The following DTHD1 variants were observed in gnomAD, a reference collection of about 807,000 sequenced individuals.
The protein encoded by DTHD1 is death domain containing 1.
DTHD1 carries 59 observed loss-of-function variants against 74.8 expected under a neutral mutation model. The ratio of observed to expected loss-of-function variants is 0.79; its 90% CI spans 0.64 to 0.98. The LOEUF is 0.98. Among genes scored for constraint, DTHD1 ranks in the 50% least tolerant of loss-of-function variants. The pLI is 0.00. For synonymous variants in DTHD1, 365 were observed against 371.1 expected, an observed-to-expected ratio of 0.98 and a Z score of 0.19; for missense variants, 1,051 against 1,065.4, an observed-to-expected ratio of 0.99 and a Z score of 0.19.
chr4:36,333,071 G>A (rs185340825), intron 8 of DTHD1, among the ~76,000 whole-genome samples: 83 of 152,016 alleles, frequency 5.5e-4, no homozygotes, highest in African/African-American at 1.9e-3. Flanking sequence ...AGTTAGGATG[G>A]TTTTACCTAA....
chr4:36,289,405 G>A (rs80324445), intron 2 of DTHD1, among the ~76,000 whole-genome samples: 7 of 152,214 alleles, frequency 4.6e-5, no homozygotes, highest in Non-Finnish European at 8.8e-5. Context: ...ACTTTTGAAT[G>A]ATTTGAGGAA....
intron 7 of DTHD1, 64 bp downstream of exon 7, chr4:36,308,557 T>A: frequency 7.5e-7 from 1 of 1,337,320 alleles, no homozygotes; most frequent in Non-Finnish European, 1.0e-6. Context: ...TTCAGAAGAG[T>A]TTGCTAAACT....
chr4:36,344,146 GT>G lies in DTHD1; in HGVS notation c.*323del, dbSNP rs1228244635. ...AGTGTGAAGAAAAGATCTGATATAT[GT>G]AATTACTTATTAATTGGTATCTACA... On this transcript the variant is annotated 3_prime_UTR_variant, in exon 10 of 10. Coordinates refer to ENST00000639862, the MANE Select transcript of DTHD1 (RefSeq NM_001170700.3). The G allele has an allele frequency of 6.6e-5, 15 of 227,478 alleles. No homozygotes were observed. The highest frequency in any genetic ancestry group is 3.4e-4 in the African/African-American group (15 of 44,058). 14.1% of individuals were successfully genotyped at this position (227,478 alleles called of 1,614,324 possible). A position where few individuals can be genotyped will look rare whatever the true frequency, so the allele number is the denominator to read the frequency against.
intron 5 of DTHD1, among the ~76,000 whole-genome samples, chr4:36,300,154 T>A (rs1199497841): frequency 6.6e-6 from 1 of 152,230 alleles, no homozygotes; most frequent in Non-Finnish European, 1.5e-5. Context: ...TCCATGGTAT[T>A]TAGCTTCTAA....
chr4:36,327,091 C>A (rs1193664886), intron 8 of DTHD1, among the ~76,000 whole-genome samples: 4 of 151,942 alleles, frequency 2.6e-5, no homozygotes, highest in African/African-American at 9.7e-5. Context: ...CTCAGCCTCC[C>A]AAGTAGCTAG....
chr4:36,296,048 A>G (rs866098417), intron 5 of DTHD1, among the ~76,000 whole-genome samples: 3 of 152,170 alleles, frequency 2.0e-5, no homozygotes, highest in African/African-American at 7.2e-5. Context: ...GCAAACTGAA[A>G]TGTAGGTTTA....
intron 7 of DTHD1, among the ~76,000 whole-genome samples, chr4:36,309,047 T>C (rs1217938311): frequency 6.6e-6 from 1 of 152,224 alleles, no homozygotes; most frequent in Non-Finnish European, 1.5e-5. Flanking sequence ...TTTTATTCCA[T>C]GTATTTTATT....
chr4:36,301,476 C>G (rs567357826), intron 5 of DTHD1, among the ~76,000 whole-genome samples: 57 of 151,998 alleles, frequency 3.8e-4, no homozygotes, highest in African/African-American at 1.4e-3. Flanking sequence ...ATTAATAGTA[C>G]TAGATGAAAA....
At chr4:36,335,716 C>A (rs1038588100) in intron 8 of DTHD1, among the ~76,000 whole-genome samples, 1 of 152,156 alleles carries the variant, frequency 6.6e-6, no homozygotes, top group African/African-American at 2.4e-5. Context: ...TTGGAGGTTT[C>A]TTGGGAAATA....
intron 8 of DTHD1, among the ~76,000 whole-genome samples, chr4:36,333,103 A>C (rs1170510961): frequency 6.6e-6 from 1 of 152,190 alleles, no homozygotes; most frequent in Non-Finnish European, 1.5e-5. Flanking sequence ...CATATTTTAT[A>C]AATTTAGCAT....
rs1176383285 is a variant in DTHD1, at chr4:36,293,650, T to C, written c.1343T>C (p.Ile448Thr). 5.8e-6 allele frequency: 9 copies of C among 1,547,640 alleles called. No homozygotes were observed. The highest frequency in any genetic ancestry group is 1.4e-5 in the African/African-American group (1 of 72,962). Residue 448 changes from isoleucine to threonine, a missense_variant, in exon 4 of 10, where the codon ATA becomes ACA. Physicochemically the swap from Ile to Thr is moderately conservative, Grantham distance 89. Coordinates refer to ENST00000639862, the MANE Select transcript of DTHD1 (RefSeq NM_001170700.3). The stretch of plus-strand genomic sequence containing the variant: ...CTTAAGTCAAGCATGGATTCCCGAA[T>C]ATCCTTAAATTACCCTCCAGGAGTT... ...LALKSSMDSR[I>T]SLNYPPGVFT...
rs947502910 is a variant in DTHD1 at position 36,281,809 on chromosome 4, G to T, written c.51G>T (p.Gln17His). The T allele has an allele frequency of 1.6e-6, 2 of 1,242,430 alleles. No individual in the cohort carries two copies. Among genetic ancestry groups the T allele is most frequent in the Non-Finnish European group, 2.0e-6 (2 of 991,760 alleles). The allele number at this position is 1,242,430 out of a possible 1,614,324, so 77.0% of individuals were successfully genotyped here. ...GSGKLGQILK[Q>H]IWRQNQMLKQ... ...GTAAACTGGGCCAAATATTGAAGCA[G>T]ATTTGGAGACAAAACCAGATGCTAA... Residue 17 changes from glutamine (Q) to histidine (H), a missense_variant, in exon 1 of 10, where the codon CAG (glutamine) becomes CAT (histidine). Physicochemically the swap from Gln to His is conservative, Grantham distance 24. Transcript: ENST00000639862.
intron 5 of DTHD1, among the ~76,000 whole-genome samples, chr4:36,305,043 C>T (rs1756962720): frequency 6.6e-6 from 1 of 152,164 alleles, no homozygotes; most frequent in Non-Finnish European, 1.5e-5. Flanking sequence ...TCACATGGTA[C>T]ATACAGCCAA....
chr4:36,320,892 G>T (rs544976148), intron 8 of DTHD1, among the ~76,000 whole-genome samples: 10 of 152,264 alleles, frequency 6.6e-5, no homozygotes, highest in African/African-American at 2.4e-4. Context: ...GAAGGTATTT[G>T]TCAAAATTAA....
intron 5 of DTHD1, among the ~76,000 whole-genome samples, chr4:36,304,223 C>T (rs1756926415): frequency 6.6e-6 from 1 of 152,180 alleles, no homozygotes; most frequent in Admixed American, 6.5e-5. Context: ...AAAAAAATTA[C>T]ATTGAAGTCA....
intron 8 of DTHD1, among the ~76,000 whole-genome samples, chr4:36,331,758 A>G (rs190165983): frequency 2.2e-3 from 342 of 152,334 alleles, no homozygotes; most frequent in African/African-American, 7.8e-3. Flanking sequence ...ACTGTATAAA[A>G]TTGATGCTTA....
chr4:36,295,109 A>T (rs1208274162), intron 5 of DTHD1, 70 bp downstream of exon 5: 3 of 1,373,028 alleles, frequency 2.2e-6, no homozygotes, highest in Non-Finnish European at 2.9e-6. Flanking sequence ...TAAAACTTGC[A>T]GTCAAATGCC....
At chr4:36,283,848 A>G in intron 1 of DTHD1, 128 bp from the exon 2 acceptor site, 1 of 679,372 alleles carries the variant, frequency 1.5e-6, no homozygotes, top group Non-Finnish European at 2.4e-6. Flanking sequence ...AGTTTGGCTT[A>G]AATGCACAGT....
At chr4:36,340,892 A>G (rs2109581330) in intron 9 of DTHD1, among the ~76,000 whole-genome samples, 1 of 152,140 alleles carries the variant, frequency 6.6e-6, no homozygotes, top group Non-Finnish European at 1.5e-5. Flanking sequence ...AGCAGGGGGA[A>G]AAGAATATTG....
Sources: gnomAD v4.1 joint callset for allele counts (sites outside exome capture counted in the v4.1 genomes callset) on GRCh38, gnomAD v4.1.1 for gene constraint, MANE v1.5 for transcripts, NCBI Gene and HGNC (gene_info 2026-07-23, HGNC 2026-07-21) for gene names.